QTMAN: variants seen among roughly 807,000 people sequenced by gnomAD.
The protein encoded by QTMAN is queuosine-tRNA mannosyltransferase, also known as tRNA-queuosine alpha-mannosyltransferase.
At chr2:144,048,846 GTCT>G in the QTMAN span, among the ~76,000 whole-genome samples, 1 of 151,190 alleles carries the variant, frequency 6.6e-6, no homozygotes, top group Non-Finnish European at 1.5e-5. Flanking sequence ...ACACACAGAG[GTCT>G]TATCTGTGAT....
the QTMAN span, among the ~76,000 whole-genome samples, chr2:144,173,951 A>C: frequency 6.6e-6 from 1 of 152,042 alleles, no homozygotes; most frequent in African/African-American, 2.4e-5. Flanking sequence ...TTCACTTTTC[A>C]CCATGAGTGG....
chr2:144,045,211 G>A, the QTMAN span, among the ~76,000 whole-genome samples: 20 of 152,346 alleles, frequency 1.3e-4, no homozygotes, highest in African/African-American at 3.8e-4. Flanking sequence ...CACACTTAAA[G>A]TACAGTCTGG....
chr2:144,188,548 TGGA>T, the QTMAN span, among the ~76,000 whole-genome samples: 1 of 145,492 alleles, frequency 6.9e-6, no homozygotes, highest in South Asian at 2.2e-4. Flanking sequence ...GATGGATGGA[TGGA>T]CTGATGGAAG....
chr2:144,331,641 A>T, the QTMAN span, among the ~76,000 whole-genome samples: 1 of 152,220 alleles, frequency 6.6e-6, no homozygotes, highest in Non-Finnish European at 1.5e-5. Context: ...TAAAAGTTGT[A>T]TGTGCGAGAG....
the QTMAN span, among the ~76,000 whole-genome samples, chr2:144,191,882 TACTG>T: frequency 3.3e-5 from 5 of 152,210 alleles, no homozygotes; most frequent in Non-Finnish European, 7.3e-5. Flanking sequence ...TCTTTTCCTC[TACTG>T]ACTGACCACT....
At chr2:143,947,041 A>C in the QTMAN span, 3 of 1,589,234 alleles carry the variant, frequency 1.9e-6, no homozygotes, top group African/African-American at 2.7e-5. Flanking sequence ...TTTGTGACTT[A>C]GCCCCATCTG....
the QTMAN span, among the ~76,000 whole-genome samples, chr2:144,111,982 T>C: frequency 1.3e-5 from 2 of 152,230 alleles, no homozygotes; most frequent in East Asian, 1.9e-4. Context: ...ACACTTTCCA[T>C]CTTAAAGAGG....
chr2:144,106,798 T>G, the QTMAN span, among the ~76,000 whole-genome samples: 1 of 152,202 alleles, frequency 6.6e-6, no homozygotes, highest in Non-Finnish European at 1.5e-5. Flanking sequence ...ATCAACAGAA[T>G]ATACATTCTT....
the QTMAN span, among the ~76,000 whole-genome samples, chr2:144,286,569 T>G: frequency 6.6e-6 from 1 of 152,202 alleles, no homozygotes; most frequent in Admixed American, 6.5e-5. Flanking sequence ...TTAACATCTT[T>G]TCAAGGGTGA....
At chr2:144,170,242 G>T in the QTMAN span, among the ~76,000 whole-genome samples, 1 of 152,060 alleles carries the variant, frequency 6.6e-6, no homozygotes, top group East Asian at 1.9e-4. Context: ...ACATTCCTTT[G>T]TCAATAACTG....
At chr2:144,202,954 A>C in the QTMAN span, among the ~76,000 whole-genome samples, 2 of 152,188 alleles carry the variant, frequency 1.3e-5, no homozygotes, top group Non-Finnish European at 2.9e-5. Flanking sequence ...CTACACAAAC[A>C]CTTTTGAATT....
At chr2:144,236,633 C>A in the QTMAN span, among the ~76,000 whole-genome samples, 2 of 151,888 alleles carry the variant, frequency 1.3e-5, no homozygotes, top group African/African-American at 2.4e-5. Flanking sequence ...CAAAAAGGAC[C>A]ATTTATGACA....
the QTMAN span, among the ~76,000 whole-genome samples, chr2:144,028,152 G>C: frequency 1.3e-5 from 2 of 152,236 alleles, no homozygotes; most frequent in East Asian, 3.9e-4. Flanking sequence ...GAAATCATTT[G>C]TCATTAACAG....
At chr2:144,176,952 A>G in the QTMAN span, among the ~76,000 whole-genome samples, 1 of 152,196 alleles carries the variant, frequency 6.6e-6, no homozygotes, top group African/African-American at 2.4e-5. Context: ...GAAACTTACA[A>G]TCACCGCAGA....
chr2:144,265,028 T>G, the QTMAN span, among the ~76,000 whole-genome samples: 1 of 152,246 alleles, frequency 6.6e-6, no homozygotes, highest in Admixed American at 6.5e-5. Context: ...TGTACTGATT[T>G]GTCAAGATAA....
At chr2:144,215,257 A>AT in the QTMAN span, among the ~76,000 whole-genome samples, 1 of 148,908 alleles carries the variant, frequency 6.7e-6, no homozygotes, top group East Asian at 1.9e-4. Flanking sequence ...TTTAAAAAAA[A>AT]AAAAATATAT....
the QTMAN span, among the ~76,000 whole-genome samples, chr2:144,132,258 C>A: frequency 0.068 from 10,399 of 151,896 alleles, 644 homozygotes; most frequent in African/African-American, 0.17. Flanking sequence ...TTTCATTACA[C>A]CTAATTTTTT....
chr2:144,151,318 T>G, the QTMAN span, among the ~76,000 whole-genome samples: 4 of 152,252 alleles, frequency 2.6e-5, no homozygotes, highest in East Asian at 7.7e-4. Context: ...TAGGGCATGA[T>G]TTTTATACTC....
the QTMAN span, among the ~76,000 whole-genome samples, chr2:144,302,152 A>T: frequency 6.6e-6 from 1 of 152,094 alleles, no homozygotes; most frequent in South Asian, 2.1e-4. Context: ...GGGCATACAG[A>T]AAATATCTGT....
Sources: gnomAD v4.1 joint callset for allele counts (sites outside exome capture counted in the v4.1 genomes callset) on GRCh38, gnomAD v4.1.1 for gene constraint, MANE v1.5 for transcripts, NCBI Gene and HGNC (gene_info 2026-07-23, HGNC 2026-07-21) for gene names.